Variants in STS observed in about 807,000 individuals in gnomAD.
The protein encoded by STS is steroid sulfatase, also known as steryl-sulfatase.
A neutral mutation model predicts 26.8 loss-of-function variants in STS; 7 were observed. The observed-to-expected ratio is 0.26, with a 90% CI of 0.15 to 0.49. The LOEUF (loss-of-function observed/expected upper bound fraction) is 0.49. STS is among the 20% of genes least tolerant of loss of function. The probability of loss-of-function intolerance (pLI) is 0.98; values close to 1 mark genes in which losing one functional copy is unlikely to be tolerated. For synonymous variants in STS, 199 were observed against 189.4 expected, an observed-to-expected ratio of 1.05 and a Z score of -0.42; for missense variants, 434 against 465.6, an observed-to-expected ratio of 0.93 and a Z score of 0.63.
At chrX:7,205,311 G>A (rs1307604612) in intron 2 of STS, among the ~76,000 whole-genome samples, 3 of 111,959 alleles carry the variant, frequency 2.7e-5, no homozygotes, top group Non-Finnish European at 5.6e-5. Flanking sequence ...TATTCATCAC[G>A]TTTTGTTGTT....
intron 1 of STS, among the ~76,000 whole-genome samples, chrX:7,172,643 G>A (rs1933489433): frequency 8.9e-6 from 1 of 111,837 alleles, no homozygotes; most frequent in Admixed American, 9.6e-5. Context: ...CAAAAAAAGA[G>A]CAAATCACAA....
chrX:7,229,323 G>A (rs1921953129), intron 2 of STS, among the ~76,000 whole-genome samples: 1 of 110,956 alleles, frequency 9.0e-6, no homozygotes, highest in Admixed American at 9.6e-5. Flanking sequence ...CTTTGAGAGG[G>A]GATCCACACT....
chrX:7,277,321 C>G (rs1469682879), intron 7 of STS, among the ~76,000 whole-genome samples: 1 of 111,820 alleles, frequency 8.9e-6, no homozygotes. Flanking sequence ...TGAAATAACT[C>G]AATAGTTTCT....
At position 7,201,212 on chromosome X, in the gene STS, A is replaced by T. The variant is rs746055434; in HGVS notation, c.-5+10204A>T. On this transcript the variant is annotated intron_variant, in intron 2 of 10. Transcript: ENST00000674429. The stretch of plus-strand genomic sequence containing the variant: ...CAGATAAATAGATGGATATATAGAT[A>T]TATAGATATCTAGATTGATATATAG... Among the ~76,000 whole-genome samples, 19 of 111,834 alleles carry T rather than the reference A, an allele frequency of 1.7e-4. No individual in the cohort carries two copies. In the South Asian group the frequency reaches 6.0e-3, roughly 35 times the overall value.
chrX:7,214,414 T>C (rs1258244924), intron 2 of STS, among the ~76,000 whole-genome samples: 1 of 112,443 alleles, frequency 8.9e-6, no homozygotes, highest in African/African-American at 3.2e-5. Flanking sequence ...CTAGAAAGAA[T>C]GACTAGCTGT....
intron 2 of STS, among the ~76,000 whole-genome samples, chrX:7,193,480 C>T (rs1277898015): frequency 2.9e-4 from 30 of 105,048 alleles, no homozygotes; most frequent in Middle Eastern, 4.9e-3. Context: ...TTTTAGTCTA[C>T]GGGAGAGATT....
intron 10 of STS, among the ~76,000 whole-genome samples, chrX:7,338,914 A>C (rs1291180132): frequency 9.0e-6 from 1 of 111,406 alleles, no homozygotes; most frequent in Middle Eastern, 4.3e-3. Flanking sequence ...ATTACAGCAA[A>C]CAGCCATAGG....
At chrX:7,287,173 A>T (rs771124500) in intron 7 of STS, among the ~76,000 whole-genome samples, 1 of 111,464 alleles carries the variant, frequency 9.0e-6, no homozygotes, top group African/African-American at 3.3e-5. Flanking sequence ...TCTATGATTT[A>T]ATGTAGTTCA....
intron 6 of STS, among the ~76,000 whole-genome samples, chrX:7,263,283 G>A (rs1308143790): frequency 8.9e-6 from 1 of 111,778 alleles, no homozygotes; most frequent in African/African-American, 3.3e-5. Flanking sequence ...TGACCAGGCT[G>A]GTCTCGAACT....
At chrX:7,246,324 C>T (rs1036886351) in intron 2 of STS, among the ~76,000 whole-genome samples, 8 of 105,876 alleles carry the variant, frequency 7.6e-5, no homozygotes, top group African/African-American at 2.4e-4. Flanking sequence ...TGCAGTGAGA[C>T]GGAGTCTCGC....
At chrX:7,269,778 A>G (rs185103223) in intron 6 of STS, among the ~76,000 whole-genome samples, 6,495 of 111,309 alleles carry the variant, frequency 0.058, 192 homozygotes, top group Middle Eastern at 0.16. Flanking sequence ...GCGGTTGTTG[A>G]TACCGCTATC....
At chrX:7,278,755 A>G (rs1301578237) in intron 7 of STS, among the ~76,000 whole-genome samples, 2 of 111,599 alleles carry the variant, frequency 1.8e-5, no homozygotes, top group Non-Finnish European at 3.8e-5. Context: ...GGTGGTCGAC[A>G]TGATTTTAAT....
chrX:7,240,347 T>A (rs1922533014), intron 2 of STS, among the ~76,000 whole-genome samples: 1 of 106,696 alleles, frequency 9.4e-6, no homozygotes, highest in Non-Finnish European at 1.9e-5. Context: ...GCATGAAAAA[T>A]TATTAATGGG....
intron 7 of STS, among the ~76,000 whole-genome samples, chrX:7,303,309 C>A (rs1016919127): frequency 9.0e-6 from 1 of 111,229 alleles, no homozygotes; most frequent in Non-Finnish European, 1.9e-5. Context: ...TATAAGTTAC[C>A]CAGTCTCGGG....
At chrX:7,195,799 A>G (rs571084092) in intron 2 of STS, among the ~76,000 whole-genome samples, 6 of 112,247 alleles carry the variant, frequency 5.3e-5, no homozygotes, top group African/African-American at 1.9e-4. Flanking sequence ...TAAGAACAGC[A>G]CTGATTTTCA....
intron 7 of STS, among the ~76,000 whole-genome samples, chrX:7,279,760 A>G (rs1355922826): frequency 4.5e-5 from 5 of 110,201 alleles, no homozygotes; most frequent in African/African-American, 6.6e-5. Context: ...TGTGTGTGGG[A>G]TGAGGGGGAG....
intron 8 of STS, among the ~76,000 whole-genome samples, chrX:7,309,588 G>T (rs1189742733): frequency 3.8e-5 from 2 of 53,102 alleles, no homozygotes; most frequent in African/African-American, 2.0e-4. Context: ...AAATATACCA[G>T]ACTTCTTGTT....
At chrX:7,153,129 C>T in intron 1 of STS, among the ~76,000 whole-genome samples, 1 of 111,734 alleles carries the variant, frequency 8.9e-6, no homozygotes, top group Non-Finnish European at 1.9e-5. Flanking sequence ...GAGAGGGGCT[C>T]AGGCTTCATC....
chrX:7,206,926 G>C (rs1341360706), intron 2 of STS, among the ~76,000 whole-genome samples: 2 of 112,148 alleles, frequency 1.8e-5, no homozygotes, highest in Non-Finnish European at 3.8e-5. Context: ...TTACACCTTG[G>C]GCTTGGGGGG....
Sources: gnomAD v4.1 joint callset for allele counts (sites outside exome capture counted in the v4.1 genomes callset) on GRCh38, gnomAD v4.1.1 for gene constraint, MANE v1.5 for transcripts, NCBI Gene and HGNC (gene_info 2026-07-23, HGNC 2026-07-21) for gene names.